The following GRHPR variants were observed in gnomAD, a reference collection of about 807,000 sequenced individuals.
GRHPR encodes the protein glyoxylate and hydroxypyruvate reductase, also known as glyoxylate reductase/hydroxypyruvate reductase.
A neutral mutation model predicts 36.8 loss-of-function variants in GRHPR; 35 were observed. That is an observed-to-expected ratio of 0.95 (90% CI 0.73 to 1.26). The LOEUF is 1.26. Among genes scored for constraint, GRHPR ranks in the 50% most tolerant of loss-of-function variants. GRHPR has a pLI of 0.00. For missense variants in GRHPR, 380 were observed against 435.0 expected, an observed-to-expected ratio of 0.87 and a Z score of 1.12; for synonymous variants, 179 against 181.0, an observed-to-expected ratio of 0.99 and a Z score of 0.09.
At chr9:37,430,292 A>G in intron 6 of GRHPR, 1 of 628,194 alleles carries the variant, frequency 1.6e-6, no homozygotes, top group South Asian at 1.8e-5. Flanking sequence ...GCCCCTGGGC[A>G]CTTTGGGCCC....
At chr9:37,423,034 C>T (rs1822911250) in intron 1 of GRHPR, among the ~76,000 whole-genome samples, 1 of 152,194 alleles carries the variant, frequency 6.6e-6, no homozygotes, top group South Asian at 2.1e-4. Flanking sequence ...GAGATTGCCC[C>T]TGAGGCAAGG....
At chr9:37,428,922 C>G in intron 5 of GRHPR, 1 of 402,802 alleles carries the variant, frequency 2.5e-6, no homozygotes, top group Non-Finnish European at 4.8e-6. Flanking sequence ...CTCCGGCTTG[C>G]GTTCTGGAAG....
chr9:37,429,381 G>A, intron 5 of GRHPR: 1 of 375,840 alleles, frequency 2.7e-6, no homozygotes, highest in Non-Finnish European at 5.2e-6. Context: ...ACAAAGGAGG[G>A]GACTGCTTGA....
chr9:37,431,947 C>CTCAAAGGTGGCCTGGGCGGAGG lies in GRHPR; in HGVS notation c.735-60_735-39dup. Reference sequence around the variant, plus strand: ...AAATTCATTCTGTAGGTTGTTCTGCCTCAAAGGTGGCCTGGGCGGAGGGAT... The same window carrying CTCAAAGGTGGCCTGGGCGGAGG: ...AAATTCATTCTGTAGGTTGTTCTGCCTCAAAGGTGGCCTGGGCGGAGGTCAAAGGTGGCCTGGGCGGAGGGAT... On this transcript the variant is annotated intron_variant, in intron 7 of 8. Transcript: ENST00000318158. 3 of 1,595,240 alleles carry CTCAAAGGTGGCCTGGGCGGAGG rather than the reference C, an allele frequency of 1.9e-6. No homozygotes were observed. In the East Asian group the frequency reaches 6.7e-5, roughly 36 times the overall value.
At chr9:37,424,765 G>T in intron 1 of GRHPR, 80 bp from the exon 2 acceptor site, 1 of 1,540,778 alleles carries the variant, frequency 6.5e-7, no homozygotes. Flanking sequence ...AGGGCCATCA[G>T]AGGCCAGGAT....
rs1173053188 is a variant in GRHPR, at chr9:37,425,040, G to GCTGGCTC, written c.214+72_214+78dup. 2.6e-6 allele frequency: 4 copies of GCTGGCTC among 1,512,538 alleles called. No individual in the cohort carries two copies. In the African/African-American group the frequency reaches 5.5e-5, roughly 21 times the overall value. The allele number at this position is 1,512,538 out of a possible 1,614,324, so 93.7% of individuals were successfully genotyped here. On this transcript the variant is annotated intron_variant, in intron 2 of 8. Coordinates refer to ENST00000318158, the MANE Select transcript of GRHPR (RefSeq NM_012203.2). The stretch of plus-strand genomic sequence containing the variant: ...CCCTGTGGGCCCCTCAGCCTGTGCT[G>GCTGGCTC]CTGGCTCCTGGCTGCTCTGCAGTGC...
At chr9:37,424,521 C>A (rs575037756) in intron 1 of GRHPR, among the ~76,000 whole-genome samples, 1 of 152,252 alleles carries the variant, frequency 6.6e-6, no homozygotes, top group Non-Finnish European at 1.5e-5. Flanking sequence ...CACCCTGCCC[C>A]CCACGGGCCT....
chr9:37,423,641 A>AT (rs1189694348), intron 1 of GRHPR, among the ~76,000 whole-genome samples: 1 of 151,246 alleles, frequency 6.6e-6, no homozygotes, highest in Admixed American at 6.6e-5. Flanking sequence ...TGCCTGGCTA[A>AT]TTTTTTATTT....
intron 1 of GRHPR, 49 bp from the exon 2 acceptor site, chr9:37,424,796 G>T (rs1262972541): frequency 2.5e-6 from 4 of 1,596,290 alleles, no homozygotes; most frequent in Non-Finnish European, 2.6e-6. Flanking sequence ...GAGGGGCGGG[G>T]ACAGGTGTGC....
chr9:37,426,452 C>A, intron 3 of GRHPR, 86 bp from the exon 4 acceptor site: 3 of 926,836 alleles, frequency 3.2e-6, no homozygotes, highest in Admixed American at 3.4e-5. Context: ...AAAGAGGGAG[C>A]AAAGTAACTC....
chr9:37,425,093 G>A (rs893367209), intron 2 of GRHPR, 118 bp downstream of exon 2: 18 of 1,041,082 alleles, frequency 1.7e-5, no homozygotes, highest in Non-Finnish European at 2.3e-5. Context: ...CGTTTCCTGC[G>A]ATACCAGGCC....
Position 37,430,308 on chromosome 9 carries a change from G to A in GRHPR, c.599-203G>A, listed in dbSNP as rs571873199. 2.5e-4 allele frequency: 159 copies of A among 645,808 alleles called. 1 individual carries two copies. The highest frequency in any genetic ancestry group is 2.0e-3 in the African/African-American group (114 of 55,996). 40.0% of individuals were successfully genotyped at this position (645,808 alleles called of 1,614,324 possible). A position where few individuals can be genotyped will look rare whatever the true frequency, so the allele number is the denominator to read the frequency against. On this transcript the variant is annotated intron_variant, in intron 6 of 8. Transcript: ENST00000318158. The stretch of plus-strand genomic sequence containing the variant: ...CCCCTGGGCACTTTGGGCCCTGAAG[G>A]TAGTTAAAGCCAGAGTGGTCCAGAT...
At chr9:37,422,651 A>T (rs916608046), upstream of GRHPR, 32 of 943,528 alleles carry the variant, frequency 3.4e-5, no homozygotes, top group South Asian at 1.4e-4. Flanking sequence ...GCCGCGCGCG[A>T]CGTCTCTCCC....
intron 8 of GRHPR, among the ~76,000 whole-genome samples, chr9:37,433,228 ATTTTTTTTTTT>A (rs11345501): frequency 5.1e-5 from 5 of 97,202 alleles, no homozygotes; most frequent in Non-Finnish European, 1.1e-4. Flanking sequence ...TGGTTCTCAC[ATTTTTTTTTTT>A]TTTTTTTTTT....
At chr9:37,431,853 A>T in intron 7 of GRHPR, 155 bp from the exon 8 acceptor site, 2 of 738,654 alleles carry the variant, frequency 2.7e-6, no homozygotes, top group South Asian at 3.4e-5. Context: ...TGAGTATATA[A>T]GACTTACAGA....
chr9:37,422,517 A>ACCCC, upstream of GRHPR: 3 of 517,654 alleles, frequency 5.8e-6, no homozygotes, highest in South Asian at 6.8e-5. Context: ...CACGAGGCGC[A>ACCCC]CCCCCCCACA....
chr9:37,435,710 GAC>G (rs1246326780), intron 8 of GRHPR, among the ~76,000 whole-genome samples: 3 of 152,116 alleles, frequency 2.0e-5, no homozygotes, highest in African/African-American at 7.2e-5. Context: ...GGGCAACAAA[GAC>G]CCTATTACAA....
intron 5 of GRHPR, chr9:37,429,521 G>C: frequency 1.6e-6 from 1 of 631,862 alleles, no homozygotes. Flanking sequence ...CTGAGGTGCT[G>C]TCTCCAGATC....
chr9:37,427,963 G>A (rs1823164507), intron 4 of GRHPR: 2 of 172,568 alleles, frequency 1.2e-5, no homozygotes, highest in African/African-American at 2.4e-5. Flanking sequence ...GTGGGCCCCG[G>A]CACGGGGCAT....
Sources: gnomAD v4.1 joint callset for allele counts (sites outside exome capture counted in the v4.1 genomes callset) on GRCh38, gnomAD v4.1.1 for gene constraint, MANE v1.5 for transcripts, NCBI Gene and HGNC (gene_info 2026-07-23, HGNC 2026-07-21) for gene names.